The following PPP2R2D variants were observed in gnomAD, a reference collection of about 807,000 sequenced individuals.
PPP2R2D encodes the protein protein phosphatase 2 regulatory subunit Bdelta.
In PPP2R2D, 9 loss-of-function variants were observed where a neutral mutation model predicts 31.1. The ratio of observed to expected loss-of-function variants is 0.29; its 90% CI spans 0.17 to 0.51. The LOEUF is 0.51. PPP2R2D is among the 20% of genes least tolerant of loss of function. The pLI is 0.98. For synonymous variants in PPP2R2D, 179 were observed against 172.6 expected (o/e 1.04, Z -0.29); for missense variants, 391 against 465.6 (o/e 0.84, Z 1.48).
intron 2 of PPP2R2D, among the ~76,000 whole-genome samples, chr10:131,922,935 T>C (rs1179150492): frequency 6.6e-6 from 1 of 152,214 alleles, no homozygotes; most frequent in Non-Finnish European, 1.5e-5. Context: ...TTGAGAATGG[T>C]TGCAAGTTGT....
chr10:131,953,392 G>T lies in PPP2R2D; in HGVS notation c.1083-2292G>T, dbSNP rs1209635289. Among the ~76,000 whole-genome samples, 20 of 87,202 alleles carry T rather than the reference G, an allele frequency of 2.3e-4. 1 individual carries two copies. The highest frequency in any genetic ancestry group is 9.1e-4 in the African/African-American group (19 of 20,824). 57.2% of individuals were successfully genotyped at this position (87,202 alleles called of 152,430 possible). A position where few individuals can be genotyped will look rare whatever the true frequency, so the allele number is the denominator to read the frequency against. The stretch of plus-strand genomic sequence containing the variant: ...CTTAGCAGTGACTTGCAGGTGTGTG[G>T]GGGGTTCACTGTCTTAGCAGTGACT... On this transcript the variant is annotated intron_variant, in intron 8 of 8. Coordinates refer to ENST00000455566, the MANE Select transcript of PPP2R2D (RefSeq NM_018461.5).
intron 8 of PPP2R2D, among the ~76,000 whole-genome samples, chr10:131,949,128 A>G (rs782225207): frequency 2.0e-5 from 3 of 152,158 alleles, no homozygotes; most frequent in Non-Finnish European, 4.4e-5. Context: ...GCCAGCCTGT[A>G]GCATCTCACG....
rs1018306630 is a variant in PPP2R2D, at chr10:131,903,727, C to T, written c.100+2397C>T. ...GGCCATAGTAACCCATCCAGATTAA[C>T]ACATTTATAAGTCACCATCGATTTG... On this transcript the variant is annotated intron_variant, in intron 2 of 8. Transcript: ENST00000455566. Among the ~76,000 whole-genome samples the T allele has an allele frequency of 6.6e-5, 10 of 152,284 alleles. No individual in the cohort carries two copies. The South Asian group carries it at 2.1e-3, about 32-fold the overall frequency.
intron 2 of PPP2R2D, among the ~76,000 whole-genome samples, chr10:131,927,137 T>G (rs2036122562): frequency 6.6e-6 from 1 of 152,110 alleles, no homozygotes; most frequent in African/African-American, 2.4e-5. Flanking sequence ...CTGTTTTTCA[T>G]GAAATAAGCA....
chr10:131,914,839 A>T (rs1448739467), intron 2 of PPP2R2D, among the ~76,000 whole-genome samples: 1 of 152,170 alleles, frequency 6.6e-6, no homozygotes, highest in African/African-American at 2.4e-5. Context: ...TTTGGCTTTT[A>T]TTCTGCACAT....
At chr10:131,960,204 A>C (rs1328380742), downstream of PPP2R2D, among the ~76,000 whole-genome samples, 1 of 152,180 alleles carries the variant, frequency 6.6e-6, no homozygotes, top group African/African-American at 2.4e-5. Flanking sequence ...TGCCCTCAAC[A>C]GGCGCGGAGG....
intron 2 of PPP2R2D, among the ~76,000 whole-genome samples, chr10:131,914,985 A>G (rs534716805): frequency 1.3e-5 from 2 of 152,162 alleles, no homozygotes; most frequent in South Asian, 2.1e-4. Context: ...CACCCCTAAT[A>G]GTGACTCAGC....
chr10:131,916,887 A>G (rs1205748727), intron 2 of PPP2R2D, among the ~76,000 whole-genome samples: 2 of 147,130 alleles, frequency 1.4e-5, no homozygotes, highest in African/African-American at 5.1e-5. Flanking sequence ...TAGGGACCTC[A>G]CGCAGGTGGA....
At position 131,958,595 on chromosome 10, in the gene PPP2R2D, GGTGTGT is replaced by G; in HGVS notation, c.*2634_*2639del. The G allele has an allele frequency of 4.3e-6, 1 of 232,224 alleles. No individual in the cohort carries two copies. The highest frequency in any genetic ancestry group is 8.4e-6 in the Non-Finnish European group (1 of 118,442). 14.4% of individuals were successfully genotyped at this position (232,224 alleles called of 1,614,324 possible). ...TCCCCTGTCCCCCTGTGGGGATGAA[GGTGTGT>G]GCTGATCTCTTGTCCCCCTGTGGAG... On this transcript the variant is annotated 3_prime_UTR_variant, in exon 9 of 9. Transcript: ENST00000455566.
downstream of PPP2R2D, among the ~76,000 whole-genome samples, chr10:131,960,257 G>T (rs2036904959): frequency 6.6e-6 from 1 of 152,226 alleles, no homozygotes; most frequent in Non-Finnish European, 1.5e-5. Flanking sequence ...TCTCTTTCCT[G>T]CTTAAAGTAG....
chr10:131,936,230 C>T (rs2036337209), intron 3 of PPP2R2D, among the ~76,000 whole-genome samples: 1 of 151,864 alleles, frequency 6.6e-6, no homozygotes, highest in Non-Finnish European at 1.5e-5. Flanking sequence ...TCACTGCAAC[C>T]TCTGTCTCCC....
Position 131,956,270 on chromosome 10 carries a change from A to G in PPP2R2D, c.*307A>G, listed in dbSNP as rs2036796081. The G allele has an allele frequency of 2.8e-6, 3 of 1,070,422 alleles. No homozygotes were observed. The highest frequency in any genetic ancestry group is 1.7e-5 in the African/African-American group (1 of 60,490). The allele number at this position is 1,070,422 out of a possible 1,614,324, so 66.3% of individuals were successfully genotyped here. On this transcript the variant is annotated 3_prime_UTR_variant, in exon 9 of 9. Coordinates refer to ENST00000455566, the MANE Select transcript of PPP2R2D (RefSeq NM_018461.5). ...CCGAGCCTTCCTTTCCAATTTATAGACCAAAAAATTAACATCCAAGAGAAA... is the reference window on the plus strand; with the variant it reads ...CCGAGCCTTCCTTTCCAATTTATAGGCCAAAAAATTAACATCCAAGAGAAA...
chr10:131,917,774 GAC>G (rs1214167669), intron 2 of PPP2R2D, among the ~76,000 whole-genome samples: 2 of 121,760 alleles, frequency 1.6e-5, no homozygotes, highest in African/African-American at 3.2e-5. Flanking sequence ...CGGGTGGAAT[GAC>G]ACAGTGTAGG....
At chr10:131,950,212 C>T (rs1425536933) in intron 8 of PPP2R2D, among the ~76,000 whole-genome samples, 1 of 152,078 alleles carries the variant, frequency 6.6e-6, no homozygotes, top group African/African-American at 2.4e-5. Context: ...CACTAGGAAC[C>T]GTGGAGGCCA....
the PPP2R2D span, among the ~76,000 whole-genome samples, chr10:131,965,488 C>T: frequency 2.5e-4 from 38 of 152,284 alleles, no homozygotes; most frequent in Admixed American, 1.3e-3. Context: ...CTCGCTCTGT[C>T]GCCCAGGCTG....
chr10:131,902,077 C>G (rs894039974), intron 2 of PPP2R2D, among the ~76,000 whole-genome samples: 1 of 152,168 alleles, frequency 6.6e-6, no homozygotes, highest in African/African-American at 2.4e-5. Context: ...CCTCCCACCC[C>G]AGCTTCCCAT....
chr10:131,905,069 C>A lies in PPP2R2D; in HGVS notation c.100+3739C>A, dbSNP rs886224746. Reference sequence around the variant, plus strand: ...GTGATTCCACTGGGTCATCAGACTTCCCATCCCCCTGCAGGTAGGAGTAGA... The same window carrying A: ...GTGATTCCACTGGGTCATCAGACTTACCATCCCCCTGCAGGTAGGAGTAGA... On this transcript the variant is annotated intron_variant, in intron 2 of 8. Coordinates refer to ENST00000455566, the MANE Select transcript of PPP2R2D (RefSeq NM_018461.5). Among the ~76,000 whole-genome samples the A allele has an allele frequency of 5.3e-5, 8 of 151,244 alleles. No homozygotes were observed. The South Asian group carries it at 1.5e-3, about 28-fold the overall frequency.
chr10:131,927,371 A>G (rs1589940543), intron 2 of PPP2R2D, among the ~76,000 whole-genome samples: 2 of 152,286 alleles, frequency 1.3e-5, no homozygotes, highest in Middle Eastern at 3.4e-3. Context: ...TTTCAGACTA[A>G]GAGGATGAAT....
chr10:131,932,665 A>C (rs1564817972), intron 2 of PPP2R2D, among the ~76,000 whole-genome samples: 4 of 144,346 alleles, frequency 2.8e-5, no homozygotes, highest in African/African-American at 5.7e-5. Context: ...AAAAAAAAAA[A>C]AAACACACAA....
Sources: gnomAD v4.1 joint callset for allele counts (sites outside exome capture counted in the v4.1 genomes callset) on GRCh38, gnomAD v4.1.1 for gene constraint, MANE v1.5 for transcripts, NCBI Gene and HGNC (gene_info 2026-07-23, HGNC 2026-07-21) for gene names.